FAM184A: variants seen among roughly 807,000 people sequenced by gnomAD.
FAM184A encodes family with sequence similarity 184 member A.
A neutral mutation model predicts 143.8 loss-of-function variants in FAM184A; 99 were observed. The observed-to-expected ratio is 0.69, with a 90% CI of 0.58 to 0.81. The LOEUF (loss-of-function observed/expected upper bound fraction) is 0.81, where lower values mean the gene tolerates loss of function less well. Ranked by LOEUF, FAM184A falls within the 40% of genes least tolerant of loss-of-function variation. The probability of loss-of-function intolerance (pLI) is 0.00; values close to 1 mark genes in which losing one functional copy is unlikely to be tolerated. For missense variants in FAM184A, 1,217 were observed against 1,310.5 expected (o/e 0.93, Z 1.10); for synonymous variants, 427 against 446.4 (o/e 0.96, Z 0.55).
chr6:119,115,298 G>T (rs2114853141), intron 1 of FAM184A, among the ~76,000 whole-genome samples: 1 of 152,252 alleles, frequency 6.6e-6, no homozygotes, highest in Admixed American at 6.5e-5. Flanking sequence ...ACAGAGGAAA[G>T]GGAAATAAAT....
chr6:118,977,740 A>C (rs1302514644), intron 11 of FAM184A, among the ~76,000 whole-genome samples: 1 of 152,200 alleles, frequency 6.6e-6, no homozygotes, highest in Non-Finnish European at 1.5e-5. Context: ...AACATGAGTC[A>C]TCTTCATGGT....
chr6:119,099,601 C>T (rs561657312), intron 1 of FAM184A, among the ~76,000 whole-genome samples: 59 of 152,292 alleles, frequency 3.9e-4, no homozygotes, highest in African/African-American at 1.3e-3. Flanking sequence ...TGCTGGGTTT[C>T]TCCACCCAAT....
At chr6:119,118,575 G>A (rs1186386603) in intron 1 of FAM184A, among the ~76,000 whole-genome samples, 3 of 152,018 alleles carry the variant, frequency 2.0e-5, no homozygotes, top group East Asian at 1.9e-4. Flanking sequence ...AATTTCTTAC[G>A]CCTGTCTTTA....
intron 8 of FAM184A, 83 bp from the exon 9 acceptor site, chr6:119,003,132 G>C: frequency 8.2e-7 from 1 of 1,226,888 alleles, no homozygotes; most frequent in African/African-American, 1.5e-5. Flanking sequence ...TTTTTTAAGC[G>C]CTTAATTAAT....
intron 1 of FAM184A, among the ~76,000 whole-genome samples, chr6:119,060,299 T>C (rs2114765937): frequency 6.6e-6 from 1 of 152,276 alleles, no homozygotes; most frequent in Non-Finnish European, 1.5e-5. Flanking sequence ...CTGGCATATA[T>C]GAAAAGGGAA....
At chr6:119,098,596 T>A (rs578203302) in intron 1 of FAM184A, among the ~76,000 whole-genome samples, 3 of 152,286 alleles carry the variant, frequency 2.0e-5, no homozygotes, top group African/African-American at 7.2e-5. Flanking sequence ...AGATTCAAAA[T>A]TTTTTTATTT....
chr6:118,966,326 G>A (rs553780097), intron 15 of FAM184A, among the ~76,000 whole-genome samples: 5 of 152,260 alleles, frequency 3.3e-5, no homozygotes, highest in Middle Eastern at 3.4e-3. Context: ...GTTACTGACC[G>A]TCCAAGAGAA....
chr6:119,069,296 A>AAC (rs4027508), intron 1 of FAM184A, among the ~76,000 whole-genome samples: 5,025 of 151,230 alleles, frequency 0.033, 517 homozygotes, highest in Admixed American at 0.21. Context: ...TAGACCATTA[A>AAC]ACACACACAC....
rs1218383635 is a variant in FAM184A, at chr6:119,078,474, G to C, written c.-175C>G. On this transcript the variant is annotated 5_prime_UTR_variant, in exon 1 of 18. Transcript: ENST00000338891. This position sits in a 1 kb window ranked among gnomAD's most constrained non-coding sequence, Gnocchi z 5.5. ...CGCGACCCCCGGGTCACCCCTGGAAGGGACGGGGCGGTCCCGCCGGCCCGA... is the reference window on the plus strand; with the variant it reads ...CGCGACCCCCGGGTCACCCCTGGAACGGACGGGGCGGTCCCGCCGGCCCGA... 1 of 526,670 alleles carries C rather than the reference G, an allele frequency of 1.9e-6. No individual in the cohort carries two copies. Among genetic ancestry groups the C allele is most frequent in the Non-Finnish European group, 3.0e-6 (1 of 338,620 alleles). The allele number at this position is 526,670 out of a possible 1,614,324, so 32.6% of individuals were successfully genotyped here. A position where few individuals can be genotyped will look rare whatever the true frequency, so the allele number is the denominator to read the frequency against.
At chr6:119,129,120 T>A (rs769710614) in intron 1 of FAM184A, among the ~76,000 whole-genome samples, 7 of 152,320 alleles carry the variant, frequency 4.6e-5, no homozygotes, top group Non-Finnish European at 8.8e-5. Context: ...GAAGCCCCTC[T>A]CTCCCAGATG....
intron 1 of FAM184A, among the ~76,000 whole-genome samples, chr6:119,036,505 C>A (rs1359573752): frequency 6.6e-6 from 1 of 151,902 alleles, no homozygotes; most frequent in Admixed American, 6.6e-5. Context: ...TTGATAAAGT[C>A]TAATAATGTT....
chr6:119,089,599 AG>A (rs1334324069), intron 1 of FAM184A, among the ~76,000 whole-genome samples: 2 of 152,162 alleles, frequency 1.3e-5, no homozygotes, highest in African/African-American at 4.8e-5. Flanking sequence ...CACCATGCCC[AG>A]CCATTATTTC....
At chr6:119,079,742 A>G (rs1406955912), upstream of FAM184A, among the ~76,000 whole-genome samples, 1 of 152,206 alleles carries the variant, frequency 6.6e-6, no homozygotes, top group Non-Finnish European at 1.5e-5. Flanking sequence ...GAATATTAAC[A>G]AACTAGAGAG....
At position 118,975,108 on chromosome 6, in the gene FAM184A, T is replaced by A. The variant is rs968146017; in HGVS notation, c.2684A>T (p.Glu895Val). Residue 895 changes from glutamate (E) to valine (V), a missense_variant, in exon 13 of 18, where the codon GAG (glutamate) becomes GTG (valine). Physicochemically the swap from Glu to Val is moderately radical, Grantham distance 121 (BLOSUM62 -2). Coordinates refer to ENST00000338891, the MANE Select transcript of FAM184A (RefSeq NM_024581.6). ...TTCTTTGGTTAGGGCACTTATATTC[T>A]CATGAAGGTGCTGAACCTCCTTATC... ...ELDKEVQHLH[E>V]NISALTKELE... 1 of 1,613,184 alleles carries A rather than the reference T, an allele frequency of 6.2e-7. No individual in the cohort carries two copies.
intron 13 of FAM184A, 63 bp downstream of exon 13, chr6:118,974,961 A>G (rs1340259233): frequency 1.5e-5 from 20 of 1,341,288 alleles, no homozygotes; most frequent in Non-Finnish European, 1.8e-5. Context: ...AGATTACTAA[A>G]TATCAGCACA....
chr6:119,009,322 G>A (rs932539403), intron 6 of FAM184A, among the ~76,000 whole-genome samples: 1 of 152,136 alleles, frequency 6.6e-6, no homozygotes, highest in African/African-American at 2.4e-5. Context: ...GTTGAGGGAG[G>A]AACCCAGTAG....
chr6:119,037,110 T>C (rs1457615745), intron 1 of FAM184A, among the ~76,000 whole-genome samples: 1 of 152,240 alleles, frequency 6.6e-6, no homozygotes, highest in Non-Finnish European at 1.5e-5. Context: ...GAAATTTAAC[T>C]GGAAAAAGTG....
In FAM184A at chr6:119,078,477, A is replaced by G. The variant is rs1787962201; in HGVS notation, c.-178T>C. ...GACCCCCGGGTCACCCCTGGAAGGG[A>G]CGGGGCGGTCCCGCCGGCCCGAAGC... On this transcript the variant is annotated 5_prime_UTR_variant, in exon 1 of 18. Coordinates refer to ENST00000338891, the MANE Select transcript of FAM184A (RefSeq NM_024581.6). This position sits in a 1 kb window ranked among gnomAD's most constrained non-coding sequence, Gnocchi z 5.5. 1.9e-6 allele frequency: 1 copy of G among 524,286 alleles called. No individual in the cohort carries two copies. Among genetic ancestry groups the G allele is most frequent in the Non-Finnish European group, 3.0e-6 (1 of 336,810 alleles). 32.5% of individuals were successfully genotyped at this position (524,286 alleles called of 1,614,324 possible). A position where few individuals can be genotyped will look rare whatever the true frequency, so the allele number is the denominator to read the frequency against.
intron 1 of FAM184A, among the ~76,000 whole-genome samples, chr6:119,086,101 A>G (rs995621444): frequency 2.6e-5 from 4 of 152,178 alleles, no homozygotes; most frequent in African/African-American, 9.7e-5. Context: ...CCATAATCCC[A>G]TCACCCAAAC....
Sources: allele counts gnomAD v4.1 joint callset (sites outside exome capture counted in the v4.1 genomes callset), GRCh38; gene constraint gnomAD v4.1.1; non-coding constraint Gnocchi (gnomAD v3.1); transcripts MANE v1.5; gene names NCBI Gene and HGNC (gene_info 2026-07-23, HGNC 2026-07-21).